Variants in CREB3L2 observed in about 807,000 individuals in gnomAD.
CREB3L2 encodes cAMP responsive element binding protein 3 like 2.
CREB3L2 carries 23 observed loss-of-function variants against 57.2 expected under a neutral mutation model. That is an observed-to-expected ratio of 0.40 (90% CI 0.29 to 0.57). The LOEUF is 0.57. Among genes scored for constraint, CREB3L2 ranks in the 20% least tolerant of loss-of-function variants. The probability of loss-of-function intolerance (pLI) is 0.42; values close to 1 mark genes in which losing one functional copy is unlikely to be tolerated. For missense variants in CREB3L2, 628 were observed against 634.7 expected (o/e 0.99, Z 0.11); for synonymous variants, 268 against 265.1 (o/e 1.01, Z -0.11).
chr7:137,967,016 C>T (rs1039413205), intron 1 of CREB3L2, among the ~76,000 whole-genome samples: 1 of 152,128 alleles, frequency 6.6e-6, no homozygotes, highest in African/African-American at 2.4e-5. Flanking sequence ...GGGATTAGTG[C>T]CCTTATAAGA....
intron 2 of CREB3L2, among the ~76,000 whole-genome samples, chr7:137,918,891 C>T (rs1025430957): frequency 6.6e-6 from 1 of 152,066 alleles, no homozygotes; most frequent in Non-Finnish European, 1.5e-5. Context: ...GTCCTATAGC[C>T]CTCTTTACAA....
intron 8 of CREB3L2, among the ~76,000 whole-genome samples, chr7:137,895,713 A>T (rs1299171508): frequency 6.6e-6 from 1 of 150,644 alleles, no homozygotes; most frequent in Non-Finnish European, 1.5e-5. Flanking sequence ...ATCTGGGTAG[A>T]TGCGAAAGTC....
intron 1 of CREB3L2, among the ~76,000 whole-genome samples, chr7:137,972,722 TATATATATATATATAG>T (rs1286388048): frequency 7.7e-5 from 2 of 26,044 alleles, no homozygotes; most frequent in Middle Eastern, 0.026. Context: ...AATATATATA[TATATATATATATATAG>T]AGAGAGAGAG....
chr7:137,963,047 A>C (rs1801351913), intron 1 of CREB3L2, among the ~76,000 whole-genome samples: 1 of 152,152 alleles, frequency 6.6e-6, no homozygotes, highest in African/African-American at 2.4e-5. Context: ...ATCTTCATGA[A>C]GATGTCTCCC....
intron 1 of CREB3L2, among the ~76,000 whole-genome samples, chr7:137,987,595 A>G (rs2117323095): frequency 6.6e-6 from 1 of 152,362 alleles, no homozygotes; most frequent in Non-Finnish European, 1.5e-5. Context: ...TGATGGTGGG[A>G]CAGGTTTTGT....
intron 7 of CREB3L2, 23 bp downstream of exon 7, chr7:137,903,936 C>T: frequency 6.2e-7 from 1 of 1,602,754 alleles, no homozygotes; most frequent in Non-Finnish European, 8.5e-7. Context: ...CCGATGAACG[C>T]AACAGTTTGC....
Position 137,876,696 on chromosome 7 carries a change from A to ACTAC in CREB3L2, c.*3776_*3779dup, listed in dbSNP as rs1433563674. 1 of 232,320 alleles carries ACTAC rather than the reference A, an allele frequency of 4.3e-6. No homozygotes were observed. The highest frequency in any genetic ancestry group is 2.2e-5 in the African/African-American group (1 of 45,256). 14.4% of individuals were successfully genotyped at this position (232,320 alleles called of 1,614,324 possible). A position where few individuals can be genotyped will look rare whatever the true frequency, so the allele number is the denominator to read the frequency against. ...CAAATAAAATGACTCTCAAGAGGGC[A>ACTAC]CTACCTGCCCATGGCTTCACAGGTC... On this transcript the variant is annotated 3_prime_UTR_variant, in exon 12 of 12. Transcript: ENST00000330387.
chr7:137,901,916 G>A (rs1397334548), intron 7 of CREB3L2, among the ~76,000 whole-genome samples: 3 of 149,306 alleles, frequency 2.0e-5, no homozygotes, highest in East Asian at 2.0e-4. Flanking sequence ...AGCTGGGGCC[G>A]GGCGTAGTGG....
Position 137,901,340 on chromosome 7 carries a change from C to G in CREB3L2, c.1043+14G>C, listed in dbSNP as rs538302794. ...ATTGGTAGCGCAATCAGCTCTCAGT[C>G]CAGTGACACTTACCTATTAGTGTTC... is the stretch of plus-strand genomic sequence containing the variant. On this transcript the variant is annotated intron_variant, in intron 8 of 11. Transcript: ENST00000330387. 2.6e-6 allele frequency: 4 copies of G among 1,509,950 alleles called. No homozygotes were observed. In the South Asian group the frequency reaches 3.4e-5, roughly 13 times the overall value. The allele number at this position is 1,509,950 out of a possible 1,614,324, so 93.5% of individuals were successfully genotyped here. A position where few individuals can be genotyped will look rare whatever the true frequency, so the allele number is the denominator to read the frequency against.
chr7:137,955,615 A>G (rs1801194489), intron 1 of CREB3L2, among the ~76,000 whole-genome samples: 1 of 152,230 alleles, frequency 6.6e-6, no homozygotes, highest in African/African-American at 2.4e-5. Flanking sequence ...GACTTTTCAA[A>G]TGTAAATCTG....
At chr7:137,881,527 T>C (rs1425056390) in intron 11 of CREB3L2, among the ~76,000 whole-genome samples, 9 of 152,240 alleles carry the variant, frequency 5.9e-5, no homozygotes, top group African/African-American at 2.2e-4. Flanking sequence ...TAGTAAGTGC[T>C]AGTAAATGTT....
chr7:137,901,534 A>C, intron 7 of CREB3L2, 112 bp from the exon 8 acceptor site: 1 of 615,966 alleles, frequency 1.6e-6, no homozygotes. Flanking sequence ...GGGATCTGCC[A>C]CCCCATGGAA....
At chr7:137,917,878 G>A (rs977399446) in intron 2 of CREB3L2, among the ~76,000 whole-genome samples, 2 of 152,220 alleles carry the variant, frequency 1.3e-5, no homozygotes, top group African/African-American at 4.8e-5. Context: ...GTGTGACGGG[G>A]ATTTCCATCC....
intron 1 of CREB3L2, among the ~76,000 whole-genome samples, chr7:137,970,477 C>T (rs1801487705): frequency 6.6e-6 from 1 of 152,068 alleles, no homozygotes. Flanking sequence ...AAATAAAGTT[C>T]CTTATAAACT....
chr7:137,982,047 G>C (rs994008892), intron 1 of CREB3L2, among the ~76,000 whole-genome samples: 1 of 152,076 alleles, frequency 6.6e-6, no homozygotes, highest in Non-Finnish European at 1.5e-5. Flanking sequence ...GAGGTGGGGG[G>C]TATGCTGGTG....
At chr7:137,953,533 G>C (rs755549579) in intron 1 of CREB3L2, 1 of 1,288,968 alleles carries the variant, frequency 7.8e-7, no homozygotes, top group South Asian at 1.2e-5. Flanking sequence ...AGGTATGCGG[G>C]TTTGCAGAGG....
At chr7:137,916,787 T>TGAGAGCGAGAGCGAGAGCGAGTGAGAGC (rs1800145317) in intron 2 of CREB3L2, among the ~76,000 whole-genome samples, 2 of 147,788 alleles carry the variant, frequency 1.4e-5, no homozygotes, top group African/African-American at 5.1e-5. Flanking sequence ...AGAGTGAGAG[T>TGAGAGCGAGAGCGAGAGCGAGTGAGAGC]GAGAGCGAGA....
At chr7:137,971,599 A>G (rs192494510) in intron 1 of CREB3L2, among the ~76,000 whole-genome samples, 2 of 152,196 alleles carry the variant, frequency 1.3e-5, no homozygotes, top group Admixed American at 1.3e-4. Context: ...CTGCAACCCG[A>G]ATCCCCTGGA....
chr7:137,881,796 A>C (rs1799298187), intron 11 of CREB3L2, among the ~76,000 whole-genome samples: 1 of 152,204 alleles, frequency 6.6e-6, no homozygotes, highest in Non-Finnish European at 1.5e-5. Context: ...CTTTATGTTT[A>C]CAAAGGGATT....
Sources: gnomAD v4.1 joint callset for allele counts (sites outside exome capture counted in the v4.1 genomes callset) on GRCh38, gnomAD v4.1.1 for gene constraint, MANE v1.5 for transcripts, NCBI Gene and HGNC (gene_info 2026-07-23, HGNC 2026-07-21) for gene names.